Variants in SLC45A4 observed in about 807,000 individuals in gnomAD.
SLC45A4 encodes solute carrier family 45 member 4, also known as polyamine-transporter SLC45A4.
SLC45A4 carries 32 observed loss-of-function variants against 63.7 expected under a neutral mutation model. That is an observed-to-expected ratio of 0.50 (90% CI 0.38 to 0.67). SLC45A4 has a LOEUF of 0.67. Ranked by LOEUF, SLC45A4 falls within the 30% of genes least tolerant of loss-of-function variation. SLC45A4 has a pLI of 0.00. For synonymous variants in SLC45A4, 535 were observed against 510.0 expected, an observed-to-expected ratio of 1.05 and a Z score of -0.66; for missense variants, 1,027 against 1,157.7, an observed-to-expected ratio of 0.89 and a Z score of 1.64.
At position 141,265,290 on chromosome 8, in the gene SLC45A4, T is replaced by C. The variant is rs116055646; in HGVS notation, c.-400-10661A>G. ...CCTGAACACGAAGACTCTGAGGCAG[T>C]TTGAAATCCTTCCCTTCACGGCCTC... is the stretch of plus-strand genomic sequence containing the variant. On this transcript the variant is annotated intron_variant, in intron 1 of 8. Coordinates refer to ENST00000517878, the MANE Select transcript of SLC45A4 (RefSeq NM_001286646.2). Among the ~76,000 whole-genome samples, 1,196 of 152,274 alleles carry C rather than the reference T, an allele frequency of 7.9e-3. 21 individuals are homozygous for C. The highest frequency in any genetic ancestry group is 0.027 in the African/African-American group (1,132 of 41,548).
chr8:141,300,053 G>C (rs1830691992), intron 1 of SLC45A4, among the ~76,000 whole-genome samples: 1 of 152,160 alleles, frequency 6.6e-6, no homozygotes, highest in Admixed American at 6.5e-5. Context: ...TGAAGGCACT[G>C]GCCCCATGAT....
At chr8:141,220,954 C>T (rs145360985) in intron 3 of SLC45A4, among the ~76,000 whole-genome samples, 239 of 152,374 alleles carry the variant, frequency 1.6e-3, no homozygotes, top group Non-Finnish European at 2.5e-3. Context: ...ACGAAGCCCA[C>T]CCCATGGCCA....
intron 1 of SLC45A4, among the ~76,000 whole-genome samples, chr8:141,288,026 GCCT>G (rs1830216991): frequency 1.3e-5 from 2 of 152,270 alleles, no homozygotes; most frequent in African/African-American, 4.8e-5. Context: ...CATGTCAACA[GCCT>G]CCTTTTTGGT....
At chr8:141,294,450 C>T (rs1339231186) in intron 1 of SLC45A4, among the ~76,000 whole-genome samples, 4 of 152,246 alleles carry the variant, frequency 2.6e-5, no homozygotes, top group Admixed American at 2.6e-4. Context: ...CAAGGTAGCA[C>T]TGCAGGCAGA....
chr8:141,231,161 G>A (rs1398394887), intron 2 of SLC45A4, among the ~76,000 whole-genome samples: 2 of 152,220 alleles, frequency 1.3e-5, no homozygotes, highest in African/African-American at 4.8e-5. Context: ...GACCTGGCAG[G>A]TCCCAGGATG....
intron 2 of SLC45A4, chr8:141,228,199 T>G (rs1243813283): frequency 6.2e-7 from 1 of 1,614,076 alleles, no homozygotes; most frequent in Non-Finnish European, 8.5e-7. Context: ...ACTCCATTGA[T>G]TTGACCTCAG....
Sources: allele counts gnomAD v4.1 joint callset (sites outside exome capture counted in the v4.1 genomes callset), GRCh38; gene constraint gnomAD v4.1.1; transcripts MANE v1.5; gene names NCBI Gene and HGNC (gene_info 2026-07-23, HGNC 2026-07-21).